The following CHODL variants were observed in gnomAD, a reference collection of about 807,000 sequenced individuals.
CHODL encodes the protein transmembrane protein MT75.
In CHODL, 29 loss-of-function variants were observed where a neutral mutation model predicts 34.5. The observed-to-expected ratio is 0.84, with a 90% CI of 0.63 to 1.15. The LOEUF is 1.15. Ranked by LOEUF, CHODL falls within the 50% of genes most tolerant of loss-of-function variation. The pLI is 0.00. For missense variants in CHODL, 332 were observed against 332.5 expected (o/e 1.00, Z 0.01); for synonymous variants, 125 against 116.1 (o/e 1.08, Z -0.49).
intron 1 of CHODL, among the ~76,000 whole-genome samples, chr21:17,951,336 C>G (rs1277114493): frequency 1.3e-5 from 2 of 152,136 alleles, no homozygotes; most frequent in Non-Finnish European, 2.9e-5. Context: ...GGATTCTGTT[C>G]AACTGTGTCT....
At chr21:18,185,560 C>G (rs1218468927) in intron 2 of CHODL, among the ~76,000 whole-genome samples, 1 of 152,134 alleles carries the variant, frequency 6.6e-6, no homozygotes, top group Non-Finnish European at 1.5e-5. Context: ...TCTCCACCTT[C>G]CAAATAATCC....
intron 2 of CHODL, among the ~76,000 whole-genome samples, chr21:18,210,367 G>A (rs1459870517): frequency 6.6e-6 from 1 of 152,178 alleles, no homozygotes; most frequent in Non-Finnish European, 1.5e-5. Flanking sequence ...CCTGGGGGAT[G>A]GGATGCAGGT....
chr21:17,988,670 T>C (rs2063774037), intron 1 of CHODL, among the ~76,000 whole-genome samples: 1 of 146,130 alleles, frequency 6.8e-6, no homozygotes, highest in South Asian at 2.2e-4. Context: ...GTTCTTGCGA[T>C]AGTTTACTGA....
At chr21:17,920,181 G>A (rs1326773570) in intron 1 of CHODL, among the ~76,000 whole-genome samples, 1 of 152,070 alleles carries the variant, frequency 6.6e-6, no homozygotes, top group East Asian at 1.9e-4. Context: ...CCACATTTTC[G>A]GGTATCTTTT....
At chr21:18,245,957 G>A (rs542368938) in intron 1 of CHODL, 1 of 1,534,624 alleles carries the variant, frequency 6.5e-7, no homozygotes, top group South Asian at 1.2e-5. Context: ...AATGACTGCA[G>A]GTTCGGCACA....
intron 2 of CHODL, among the ~76,000 whole-genome samples, chr21:18,232,938 TTATGATATATA>T: frequency 7.9e-6 from 1 of 127,254 alleles, no homozygotes; most frequent in African/African-American, 3.1e-5. Flanking sequence ...CCACATGATG[TTATGATATATA>T]TATATATATA....
chr21:18,187,007 T>C (rs547311479), intron 2 of CHODL, among the ~76,000 whole-genome samples: 1 of 152,308 alleles, frequency 6.6e-6, no homozygotes, highest in Non-Finnish European at 1.5e-5. Flanking sequence ...TTGAAAACAA[T>C]AGATTTATGA....
chr21:18,236,145 A>G (rs1301156643), intron 2 of CHODL, among the ~76,000 whole-genome samples: 8 of 152,144 alleles, frequency 5.3e-5, no homozygotes, highest in African/African-American at 1.9e-4. Flanking sequence ...GAAACTTACT[A>G]TCATGGCAAA....
intron 1 of CHODL, among the ~76,000 whole-genome samples, chr21:17,954,272 G>T (rs1246869959): frequency 1.3e-5 from 2 of 152,182 alleles, no homozygotes; most frequent in Non-Finnish European, 2.9e-5. Flanking sequence ...CGATGTAAAA[G>T]GTGTCAGAAA....
chr21:18,007,384 A>C (rs1278398537), intron 1 of CHODL, among the ~76,000 whole-genome samples: 1 of 152,228 alleles, frequency 6.6e-6, no homozygotes, highest in Non-Finnish European at 1.5e-5. Context: ...TATTTACTAT[A>C]CATTACTTAT....
chr21:18,128,389 A>C (rs2072608238), intron 2 of CHODL, among the ~76,000 whole-genome samples: 1 of 150,962 alleles, frequency 6.6e-6, no homozygotes, highest in South Asian at 2.1e-4. Flanking sequence ...GAATAAACTT[A>C]AAGATTTCCA....
intron 1 of CHODL, among the ~76,000 whole-genome samples, chr21:17,972,405 C>G (rs2063622709): frequency 6.6e-6 from 1 of 152,170 alleles, no homozygotes; most frequent in Non-Finnish European, 1.5e-5. Context: ...ATTGTCTCAG[C>G]CCAAAATCTC....
At chr21:18,253,916 A>G (rs1228383603) in intron 1 of CHODL, among the ~76,000 whole-genome samples, 1 of 152,156 alleles carries the variant, frequency 6.6e-6, no homozygotes, top group African/African-American at 2.4e-5. Flanking sequence ...TTGCATTGCC[A>G]GAACTACTAT....
At chr21:18,113,621 T>G (rs2065377891) in intron 2 of CHODL, among the ~76,000 whole-genome samples, 1 of 152,042 alleles carries the variant, frequency 6.6e-6, no homozygotes, top group Non-Finnish European at 1.5e-5. Context: ...AACAACGAGA[T>G]CTTGTGAGAA....
At position 17,995,523 on chromosome 21, in the gene CHODL, A is replaced by G. The variant is rs373349245; in HGVS notation, c.-144-32349A>G. Among the ~76,000 whole-genome samples the G allele has an allele frequency of 5.3e-5, 8 of 152,146 alleles. No homozygotes were observed. The East Asian group carries it at 5.8e-4, about 11-fold the overall frequency. On this transcript the variant is annotated intron_variant, in intron 1 of 6. Coordinates refer to the CHODL transcript ENST00000400127. ...TCCAGTGTTCTCTCTCAGGTGCTCT[A>G]TTCAGCATGTGGTTATCTACTTGCT...
At chr21:18,231,994 G>T (rs2073983500) in intron 2 of CHODL, among the ~76,000 whole-genome samples, 1 of 151,954 alleles carries the variant, frequency 6.6e-6, no homozygotes, top group Non-Finnish European at 1.5e-5. Context: ...AACACTCCAG[G>T]CCTGGTCTAT....
intron 1 of CHODL, among the ~76,000 whole-genome samples, chr21:18,025,303 A>G (rs1370079449): frequency 6.6e-6 from 1 of 152,192 alleles, no homozygotes; most frequent in African/African-American, 2.4e-5. Context: ...ACATTAAACA[A>G]TGTTAGTGGT....
chr21:18,109,168 C>A (rs205681), intron 2 of CHODL, among the ~76,000 whole-genome samples: 147,397 of 152,224 alleles, frequency 0.97, 71,409 homozygotes, highest in African/African-American at 0.99. Flanking sequence ...GTAGGGATGA[C>A]TTATATTATT....
In CHODL at chr21:18,162,365, T is replaced by C. The variant is rs2073104852; in HGVS notation, c.-44-94144T>C. Among the ~76,000 whole-genome samples the C allele has an allele frequency of 1.3e-5, 2 of 152,074 alleles. 1 individual carries two copies. The highest frequency in any genetic ancestry group is 1.3e-4 in the Admixed American group (2 of 15,258). On this transcript the variant is annotated intron_variant, in intron 2 of 6. Coordinates refer to the CHODL transcript ENST00000400127. ...CTGACAATTTTGGTATTTGTTGGCT[T>C]GTAGAAGTATCAGCCTGATCTGTGC...
Sources: gnomAD v4.1 joint callset for allele counts (sites outside exome capture counted in the v4.1 genomes callset) on GRCh38, gnomAD v4.1.1 for gene constraint, MANE v1.5 for transcripts, NCBI Gene and HGNC (gene_info 2026-07-23, HGNC 2026-07-21) for gene names.